Variants in KIAA2012 observed in about 807,000 individuals in gnomAD.
KIAA2012 encodes KIAA2012, also known as uncharacterized protein KIAA2012.
In KIAA2012, 125 loss-of-function variants were observed where a neutral mutation model predicts 150.6. That is an observed-to-expected ratio of 0.83 (90% confidence interval 0.72 to 0.96). KIAA2012 has a LOEUF of 0.96. KIAA2012 is among the 40% of genes least tolerant of loss of function. KIAA2012 has a pLI of 0.00. For synonymous variants in KIAA2012, 462 were observed against 504.7 expected, an observed-to-expected ratio of 0.92 and a Z score of 1.13; for missense variants, 1,219 against 1,354.9, an observed-to-expected ratio of 0.90 and a Z score of 1.57.
chr2:202,133,443 C>T (rs1691002781), intron 12 of KIAA2012, among the ~76,000 whole-genome samples: 1 of 151,920 alleles, frequency 6.6e-6, no homozygotes. Context: ...GATTGGTATT[C>T]CCAAAGCTAA....
At chr2:202,134,760 G>A (rs1691025866) in intron 12 of KIAA2012, among the ~76,000 whole-genome samples, 3 of 152,138 alleles carry the variant, frequency 2.0e-5, no homozygotes, top group Admixed American at 6.5e-5. Flanking sequence ...TCACCATGTT[G>A]GCCAGGCTAG....
At chr2:202,123,350 G>A (rs1010372372) in intron 11 of KIAA2012, among the ~76,000 whole-genome samples, 4 of 151,996 alleles carry the variant, frequency 2.6e-5, no homozygotes, top group Non-Finnish European at 5.9e-5. Context: ...ATCTCTCTCC[G>A]TTTAATCCAG....
intron 7 of KIAA2012, 151 bp from the exon 8 acceptor site, chr2:202,102,795 T>C (rs1690081615): frequency 1.4e-6 from 1 of 693,906 alleles, no homozygotes; most frequent in African/African-American, 1.8e-5. Context: ...GTGGCACCAC[T>C]GAAGTCAGAT....
intron 1 of KIAA2012, among the ~76,000 whole-genome samples, chr2:202,074,151 A>G (rs1414104553): frequency 6.6e-6 from 1 of 151,828 alleles, no homozygotes; most frequent in African/African-American, 2.4e-5. Flanking sequence ...ATATAGGCCA[A>G]AAAAAAACCC....
chr2:202,111,502 T>C, intron 10 of KIAA2012, among the ~76,000 whole-genome samples: 1 of 98,610 alleles, frequency 1.0e-5, no homozygotes, highest in Non-Finnish European at 1.8e-5. Flanking sequence ...AGAGCAAGAC[T>C]CTGTCTCAAA....
intron 10 of KIAA2012, 28 bp downstream of exon 10, chr2:202,109,817 C>T (rs1690300504): frequency 3.3e-6 from 5 of 1,500,418 alleles, no homozygotes; most frequent in Non-Finnish European, 4.5e-6. Flanking sequence ...GCATAGACGC[C>T]CCCCACTGGC....
intron 13 of KIAA2012, among the ~76,000 whole-genome samples, chr2:202,140,669 T>G (rs1272543143): frequency 6.6e-6 from 1 of 152,214 alleles, no homozygotes; most frequent in Non-Finnish European, 1.5e-5. Flanking sequence ...GCCTACTCCA[T>G]GGCAATGACT....
At position 202,190,267 on chromosome 2, in the gene KIAA2012, C is replaced by A; in HGVS notation, c.2585C>A (p.Ala862Glu). ...RTQKERNLEI[A>E]AELSGPDVSY... ...CAGAAGGAAAGAAATCTGGAGATAG[C>A]GGCAGAGCTGAGCGGGCCTGATGTC... The change falls in exon 19 of 24, where the codon GCG (alanine) becomes GAG (glutamate). Residue 862 changes from alanine to glutamate, a missense_variant. Coordinates refer to ENST00000498697, the MANE Select transcript of KIAA2012 (RefSeq NM_001277372.4). The A allele has an allele frequency of 6.5e-7, 1 of 1,550,360 alleles. No homozygotes were observed. Among genetic ancestry groups the A allele is most frequent in the African/African-American group, 1.4e-5 (1 of 73,096 alleles).
At chr2:202,162,361 G>A (rs1356073893) in intron 14 of KIAA2012, among the ~76,000 whole-genome samples, 8 of 151,784 alleles carry the variant, frequency 5.3e-5, no homozygotes, top group African/African-American at 1.2e-4. Context: ...TGCAACCTCC[G>A]CCTGCTGGGT....
At chr2:202,129,203 A>C (rs1288670913) in intron 12 of KIAA2012, among the ~76,000 whole-genome samples, 1 of 150,562 alleles carries the variant, frequency 6.6e-6, no homozygotes, top group Non-Finnish European at 1.5e-5. Flanking sequence ...TCGTTGGAAC[A>C]CCTATAGAAG....
chr2:202,118,344 G>A (rs1365137623), intron 11 of KIAA2012, among the ~76,000 whole-genome samples: 1 of 152,188 alleles, frequency 6.6e-6, no homozygotes, highest in African/African-American at 2.4e-5. Context: ...TGGGCACCCA[G>A]CATTTCCTTC....
At chr2:202,128,123 C>T (rs552967799) in intron 12 of KIAA2012, among the ~76,000 whole-genome samples, 73 of 152,238 alleles carry the variant, frequency 4.8e-4, no homozygotes, top group African/African-American at 1.7e-3. Flanking sequence ...CACCCTCCTT[C>T]CCTTCCCCCT....
At chr2:202,186,725 T>C (rs573975703) in intron 16 of KIAA2012, among the ~76,000 whole-genome samples, 3 of 152,294 alleles carry the variant, frequency 2.0e-5, no homozygotes, top group South Asian at 2.1e-4. Context: ...AATTTTAGGA[T>C]TTATTCTGAG....
chr2:202,074,809 G>A, intron 1 of KIAA2012, 82 bp from the exon 2 acceptor site: 1 of 1,379,610 alleles, frequency 7.2e-7, no homozygotes, highest in Non-Finnish European at 9.7e-7. Flanking sequence ...CTAAAAAAAT[G>A]CCGAAGGCTT....
At chr2:202,204,813 G>A (rs944027006) in intron 23 of KIAA2012, among the ~76,000 whole-genome samples, 185 bp from the exon 24 acceptor site, 1 of 152,062 alleles carries the variant, frequency 6.6e-6, no homozygotes, top group Non-Finnish European at 1.5e-5. Context: ...TCATATAAAC[G>A]TTTTCTCAAG....
chr2:202,123,849 G>A (rs1042747521), intron 11 of KIAA2012, among the ~76,000 whole-genome samples: 8 of 150,950 alleles, frequency 5.3e-5, no homozygotes, highest in East Asian at 1.9e-4. Flanking sequence ...CTCTCTCTCC[G>A]CTTCTCTCTC....
At chr2:202,126,371 T>C (rs1278821847) in intron 12 of KIAA2012, among the ~76,000 whole-genome samples, 4 of 152,188 alleles carry the variant, frequency 2.6e-5, no homozygotes, top group Admixed American at 6.5e-5. Flanking sequence ...GGTGGAAGGA[T>C]TGTTTTTGCC....
intron 13 of KIAA2012, among the ~76,000 whole-genome samples, chr2:202,153,538 G>T (rs1241875559): frequency 6.6e-6 from 1 of 152,156 alleles, no homozygotes; most frequent in East Asian, 1.9e-4. Context: ...TCAGAGCTTT[G>T]CTCAGTCATT....
At chr2:202,140,164 G>T (rs1691169332) in intron 13 of KIAA2012, among the ~76,000 whole-genome samples, 1 of 152,110 alleles carries the variant, frequency 6.6e-6, no homozygotes, top group Non-Finnish European at 1.5e-5. Flanking sequence ...GAAGATGGAG[G>T]TTGCAATGAG....
Sources: allele counts gnomAD v4.1 joint callset (sites outside exome capture counted in the v4.1 genomes callset), GRCh38; gene constraint gnomAD v4.1.1; transcripts MANE v1.5; gene names NCBI Gene and HGNC (gene_info 2026-07-23, HGNC 2026-07-21).